Variants in DDB1 observed in about 807,000 individuals in gnomAD.
The protein encoded by DDB1 is DNA damage-binding protein 1.
In DDB1, 18 loss-of-function variants were observed where a neutral mutation model predicts 133.1. The observed-to-expected ratio is 0.14, with a 90% CI of 0.09 to 0.20. The LOEUF (loss-of-function observed/expected upper bound fraction) is 0.20, where lower values mean the gene tolerates loss of function less well. Among genes scored for constraint, DDB1 ranks in the 10% least tolerant of loss-of-function variants. The pLI is 1.00. For missense variants in DDB1, 828 were observed against 1,459.2 expected (o/e 0.57, Z 7.05); for synonymous variants, 580 against 550.5 (o/e 1.05, Z -0.75).
chr11:61,331,946 G>C (rs1364360904), intron 1 of DDB1: 1 of 439,016 alleles, frequency 2.3e-6, no homozygotes, highest in South Asian at 3.0e-5. Flanking sequence ...TCCTCCAAAT[G>C]ACAATGACTG....
chr11:61,329,443 T>G lies in DDB1; in HGVS notation c.469A>C (p.Ile157Leu). 3 of 1,614,200 alleles carry G rather than the reference T, an allele frequency of 1.9e-6. No homozygotes were observed. The South Asian group carries it at 3.3e-5, about 18-fold the overall frequency. The change falls in exon 4 of 27, where the codon ATC becomes CTC. Residue 157 changes from isoleucine (I) to leucine (L), a missense_variant. Ile to Leu is a conservative substitution (Grantham distance 5). Around this residue, in one of 7 missense-constraint regions of DDB1, gnomAD observed 210 missense variants for 344.8 expected, o/e 0.61. Coordinates refer to ENST00000301764, the MANE Select transcript of DDB1 (RefSeq NM_001923.5). ...ATGACATGCAGCTCCTCCAGGCGGA[T>G]GTTGAAGGCCTTGAGTTCTTTATTA... Reference protein sequence around the residue: ...RDNKELKAFNIRLEELHVIDV... With the variant: ...RDNKELKAFNLRLEELHVIDV...
chr11:61,301,672 C>CA (rs1855797926), intron 25 of DDB1: 1 of 152,266 alleles, frequency 6.6e-6, no homozygotes, highest in Non-Finnish European at 1.5e-5. Context: ...GTCTTGTTAG[C>CA]AAAAAACCAA....
rs777272053 is a variant in DDB1, at chr11:61,325,865, A to G, written c.665-157T>C. The stretch of plus-strand genomic sequence containing the variant: ...CCCAGGGAACATGATAGCCTTTACG[A>G]GACTCTTAGAATTTGTTAACTGGCC... On this transcript the variant is annotated intron_variant, in intron 5 of 26. Coordinates refer to ENST00000301764, the MANE Select transcript of DDB1 (RefSeq NM_001923.5). 25 of 700,342 alleles carry G rather than the reference A, an allele frequency of 3.6e-5. 1 individual carries two copies. The highest frequency in any genetic ancestry group is 3.2e-4 in the South Asian group (21 of 65,934). 43.4% of individuals were successfully genotyped at this position (700,342 alleles called of 1,614,324 possible).
chr11:61,301,566 A>G (rs1855795791), intron 25 of DDB1: 2 of 152,134 alleles, frequency 1.3e-5, no homozygotes, highest in African/African-American at 4.8e-5. Flanking sequence ...GCAAGAACCC[A>G]CCTCCAATTA....
chr11:61,301,979 G>A (rs745338364), intron 25 of DDB1: 21 of 283,808 alleles, frequency 7.4e-5, no homozygotes, highest in Admixed American at 1.3e-4. Context: ...CTGCTACACC[G>A]AGAGGGCCAG....
At chr11:61,320,192 CTCTTT>C (rs990319491) in intron 10 of DDB1, among the ~76,000 whole-genome samples, 2 of 151,378 alleles carry the variant, frequency 1.3e-5, no homozygotes, top group Admixed American at 6.6e-5. Context: ...TCATATACTT[CTCTTT>C]TCTTTTTTTC....
At chr11:61,305,241 G>A (rs1855865769) in intron 21 of DDB1, among the ~76,000 whole-genome samples, 1 of 152,258 alleles carries the variant, frequency 6.6e-6, no homozygotes, top group Non-Finnish European at 1.5e-5. Flanking sequence ...GGGCGCAGTG[G>A]CTTACGCCTG....
rs28720277 is a variant in DDB1 at position 61,324,751 on chromosome 11, G to C, written c.763-614C>G. Among the ~76,000 whole-genome samples, 278 of 152,246 alleles carry C rather than the reference G, an allele frequency of 1.8e-3. 3 individuals carry two copies. Among genetic ancestry groups the C allele is most frequent in the African/African-American group, 6.5e-3 (272 of 41,546 alleles). On this transcript the variant is annotated intron_variant, in intron 6 of 26. Transcript: ENST00000301764. ...TTTTAAGGCTTAATTTTTACAACTT[G>C]ATATTCTAAGTCCTTGACATTTTTG...
At chr11:61,331,870 A>G in intron 1 of DDB1, 179 bp from the exon 2 acceptor site, 1 of 748,198 alleles carries the variant, frequency 1.3e-6, no homozygotes, top group Non-Finnish European at 2.1e-6. Context: ...GTCTCAGTTC[A>G]TGCATTCAAC....
At chr11:61,321,545 C>G in intron 10 of DDB1, 50 bp downstream of exon 10, 1 of 1,575,150 alleles carries the variant, frequency 6.3e-7, no homozygotes, top group Non-Finnish European at 8.7e-7. Flanking sequence ...TGTAACAAGG[C>G]CAAAGTCCCT....
intron 9 of DDB1, 53 bp downstream of exon 9, chr11:61,322,243 G>A: frequency 7.2e-7 from 1 of 1,381,792 alleles, no homozygotes; most frequent in Non-Finnish European, 1.0e-6. Flanking sequence ...TAGCTAGGAG[G>A]ACACAGTTTG....
chr11:61,332,800 T>A, intron 1 of DDB1, 108 bp downstream of exon 1: 1 of 987,388 alleles, frequency 1.0e-6, no homozygotes, highest in Non-Finnish European at 1.4e-6. Context: ...CGCCTTCCAT[T>A]CGCCGGGCCC....
intron 10 of DDB1, 56 bp downstream of exon 10, chr11:61,321,539 A>C (rs1036791179): frequency 3.0e-5 from 46 of 1,555,340 alleles, no homozygotes; most frequent in Non-Finnish European, 3.7e-5. Context: ...ACAACATGTA[A>C]CAAGGCCAAA....
chr11:61,323,846 C>T (rs1856224713), intron 7 of DDB1, 133 bp downstream of exon 7: 1 of 987,082 alleles, frequency 1.0e-6, no homozygotes, highest in Non-Finnish European at 1.5e-6. Flanking sequence ...CAGTCAACTT[C>T]CACAGCAGGA....
chr11:61,329,829 T>G (rs961274037), intron 3 of DDB1, 129 bp downstream of exon 3: 1 of 870,882 alleles, frequency 1.1e-6, no homozygotes, highest in Non-Finnish European at 1.8e-6. Flanking sequence ...TCCAAAAAGC[T>G]CAAACCCATA....
intron 12 of DDB1, 162 bp downstream of exon 12, chr11:61,316,123 T>A: frequency 1.6e-6 from 1 of 632,570 alleles, no homozygotes; most frequent in Non-Finnish European, 2.8e-6. Context: ...AGGTTAAGAG[T>A]TGTGATCTCT....
rs748275911 is a variant in DDB1, at chr11:61,310,284, C to G, written c.2401+11G>C. ...GCGTAGATAAAAATTATCGAAAGAG[C>G]TCATGTGCACCTTCAAAGGTGTGTT... On this transcript the variant is annotated intron_variant, in intron 19 of 26. Coordinates refer to ENST00000301764, the MANE Select transcript of DDB1 (RefSeq NM_001923.5). The G allele has an allele frequency of 8.1e-6, 13 of 1,603,592 alleles. No individual in the cohort carries two copies. The highest frequency in any genetic ancestry group is 1.0e-5 in the Non-Finnish European group (12 of 1,176,270).
At chr11:61,326,632 A>T in intron 5 of DDB1, 147 bp downstream of exon 5, 1 of 735,722 alleles carries the variant, frequency 1.4e-6, no homozygotes, top group East Asian at 2.5e-5. Flanking sequence ...ACAATTAGAG[A>T]AAGAAAACAT....
intron 4 of DDB1, 71 bp from the exon 5 acceptor site, chr11:61,326,964 G>A (rs1323330703): frequency 8.9e-7 from 1 of 1,118,216 alleles, no homozygotes; most frequent in East Asian, 2.3e-5. Flanking sequence ...GTGCTGTAAG[G>A]AATAAGCCAC....
Sources: gnomAD v4.1 joint callset for allele counts (sites outside exome capture counted in the v4.1 genomes callset) on GRCh38, gnomAD v4.1.1 for gene constraint, gnomAD v4.1.1 regional missense constraint, MANE v1.5 for transcripts, NCBI Gene and HGNC (gene_info 2026-07-23, HGNC 2026-07-21) for gene names.